The following CARMIL1 variants were observed in gnomAD, a reference collection of about 807,000 sequenced individuals.
CARMIL1 encodes the protein F-actin-uncapping protein LRRC16A.
In CARMIL1, 90 loss-of-function variants were observed where a neutral mutation model predicts 177.1. The ratio of observed to expected loss-of-function variants is 0.51; its 90% CI spans 0.43 to 0.61. CARMIL1 has a LOEUF of 0.61. Among genes scored for constraint, CARMIL1 ranks in the 20% least tolerant of loss-of-function variants. The pLI, the probability that CARMIL1 is intolerant of heterozygous loss-of-function variation, is 0.00. For missense variants in CARMIL1, 1,380 were observed against 1,667.0 expected, an observed-to-expected ratio of 0.83 and a Z score of 3.00; for synonymous variants, 577 against 606.2, an observed-to-expected ratio of 0.95 and a Z score of 0.71.
rs990398287 is a variant in CARMIL1 at position 25,348,412 on chromosome 6, G to A, written c.138+63503G>A. Among the ~76,000 whole-genome samples, 11 of 152,048 alleles carry A rather than the reference G, an allele frequency of 7.2e-5. No individual in the cohort carries two copies. In the East Asian group the frequency reaches 1.7e-3, roughly 24 times the overall value. On this transcript the variant is annotated intron_variant, in intron 2 of 36. Transcript: ENST00000329474. The stretch of plus-strand genomic sequence containing the variant: ...CTCCCAAAGTGTTGGGATTACAGGC[G>A]TGAGCCACTGTGCCTTGCTGTTAAA...
At chr6:25,572,545 A>G (rs1427747707) in intron 29 of CARMIL1, among the ~76,000 whole-genome samples, 2 of 152,010 alleles carry the variant, frequency 1.3e-5, no homozygotes, top group Non-Finnish European at 2.9e-5. Context: ...TACAAAAAAT[A>G]CAAAGGTTAA....
chr6:25,301,473 T>C (rs1445933143), intron 2 of CARMIL1, among the ~76,000 whole-genome samples: 1 of 152,202 alleles, frequency 6.6e-6, no homozygotes, highest in Non-Finnish European at 1.5e-5. Flanking sequence ...GGTTCCTGTT[T>C]TGTACTTCCC....
chr6:25,351,723 A>G (rs1562022354), intron 2 of CARMIL1, among the ~76,000 whole-genome samples: 1 of 152,196 alleles, frequency 6.6e-6, no homozygotes, highest in Non-Finnish European at 1.5e-5. Flanking sequence ...ACCTTGGGTC[A>G]ATTATTTTAA....
rs192615149 is a variant in CARMIL1, at chr6:25,573,978, A to T, written c.2743-6946A>T. Among the ~76,000 whole-genome samples the T allele has an allele frequency of 2.0e-5, 3 of 152,342 alleles. No individual in the cohort carries two copies. The East Asian group carries it at 5.8e-4, about 29-fold the overall frequency. On this transcript the variant is annotated intron_variant, in intron 29 of 36. Coordinates refer to ENST00000329474, the MANE Select transcript of CARMIL1 (RefSeq NM_017640.6). ...CTTTTTAACACTTCCACAGAGCAGC[A>T]CTAACACTTATCAAACACTTACACA...
intron 11 of CARMIL1, 45 bp from the exon 12 acceptor site, chr6:25,482,212 T>C (rs1802181896): frequency 5.2e-6 from 5 of 958,320 alleles, no homozygotes; most frequent in Non-Finnish European, 8.2e-6. Context: ...AAAAATGCAA[T>C]TCTGAGAACT....
intron 8 of CARMIL1, among the ~76,000 whole-genome samples, chr6:25,456,329 T>G (rs1799527574): frequency 6.6e-6 from 1 of 152,248 alleles, no homozygotes; most frequent in African/African-American, 2.4e-5. Context: ...CTATCAGAAC[T>G]GAATCTAGGA....
intron 2 of CARMIL1, among the ~76,000 whole-genome samples, chr6:25,368,918 T>C (rs1400559110): frequency 2.0e-5 from 3 of 152,246 alleles, no homozygotes; most frequent in Non-Finnish European, 4.4e-5. Context: ...TACTTATTGA[T>C]TTACTGTAAA....
intron 5 of CARMIL1, among the ~76,000 whole-genome samples, chr6:25,440,465 C>G (rs1797642002): frequency 1.3e-5 from 2 of 152,232 alleles, no homozygotes; most frequent in South Asian, 2.1e-4. Context: ...CCAACACACA[C>G]AGTTAGCTTG....
chr6:25,441,329 A>ATGTGTG (rs1183352138), intron 5 of CARMIL1, among the ~76,000 whole-genome samples: 27 of 49,590 alleles, frequency 5.4e-4, no homozygotes, highest in African/African-American at 2.2e-3. Context: ...ACATATATAT[A>ATGTGTG]TATATATATG....
intron 2 of CARMIL1, among the ~76,000 whole-genome samples, chr6:25,419,167 A>G (rs1231566480): frequency 6.6e-6 from 1 of 152,172 alleles, no homozygotes; most frequent in Admixed American, 6.5e-5. Flanking sequence ...AGTGTTCTTA[A>G]CTTTCTACAG....
chr6:25,345,383 A>T (rs1019437186), intron 2 of CARMIL1, among the ~76,000 whole-genome samples: 1 of 152,088 alleles, frequency 6.6e-6, no homozygotes, highest in South Asian at 2.1e-4. Context: ...AGTGCTTTAA[A>T]TATCACCTGT....
At chr6:25,400,358 A>G (rs1443695523) in intron 2 of CARMIL1, among the ~76,000 whole-genome samples, 1 of 152,188 alleles carries the variant, frequency 6.6e-6, no homozygotes, top group Non-Finnish European at 1.5e-5. Context: ...CTTTAGATGA[A>G]TGTGCATCTT....
At chr6:25,537,650 A>G (rs1808433878) in intron 24 of CARMIL1, among the ~76,000 whole-genome samples, 1 of 152,218 alleles carries the variant, frequency 6.6e-6, no homozygotes, top group Non-Finnish European at 1.5e-5. Context: ...AAAGTTGCCA[A>G]AGGTTACTTG....
At position 25,509,029 on chromosome 6, in the gene CARMIL1, T is replaced by C. The variant is rs958632876; in HGVS notation, c.1396-627T>C. On this transcript the variant is annotated intron_variant, in intron 17 of 36. Coordinates refer to ENST00000329474, the MANE Select transcript of CARMIL1 (RefSeq NM_017640.6). The surrounding 1 kb of genome is among the most constrained non-coding windows in gnomAD (Gnocchi z 4.1). ...AATAATCATTTGCACTTAGTTTTGCTCTAAAACAATCATGATAATAATATT... is the reference window on the plus strand; with the variant it reads ...AATAATCATTTGCACTTAGTTTTGCCCTAAAACAATCATGATAATAATATT... 6.6e-6 allele frequency among the ~76,000 whole-genome samples: 1 copy of C among 152,214 alleles called. No individual in the cohort carries two copies. The highest frequency in any genetic ancestry group is 2.4e-5 in the African/African-American group (1 of 41,464).
rs1212930404 is a variant in CARMIL1, at chr6:25,550,955, A to G, written c.2374A>G (p.Asn792Asp). The change falls in exon 27 of 37, where the codon AAT becomes GAT. Residue 792 changes from asparagine (N) to aspartate (D), a missense_variant. Coordinates refer to ENST00000329474, the MANE Select transcript of CARMIL1 (RefSeq NM_017640.6). Reference protein sequence around the residue: ...MVDAAENLCPNVMKKAHIRQD... With the variant: ...MVDAAENLCPDVMKKAHIRQD... ...TGATGCTGCTGAGAATCTTTGTCCC[A>G]ATGTGATGAAAAAAGCCCACATTCG... is the stretch of plus-strand genomic sequence containing the variant. 9 of 1,613,390 alleles carry G rather than the reference A, an allele frequency of 5.6e-6. No individual in the cohort carries two copies. Among genetic ancestry groups the G allele is most frequent in the Middle Eastern group, 1.6e-4 (1 of 6,074 alleles).
At chr6:25,571,893 G>A (rs1002578658) in intron 29 of CARMIL1, among the ~76,000 whole-genome samples, 1 of 152,188 alleles carries the variant, frequency 6.6e-6, no homozygotes, top group Non-Finnish European at 1.5e-5. Flanking sequence ...AGTGGGGAGG[G>A]AGGATGTGCT....
At chr6:25,347,988 C>G (rs367787690) in intron 2 of CARMIL1, among the ~76,000 whole-genome samples, 1 of 152,108 alleles carries the variant, frequency 6.6e-6, no homozygotes, top group Non-Finnish European at 1.5e-5. Context: ...TTAATGTCAT[C>G]GATAGGGTCT....
At chr6:25,280,668 C>T (rs1242836414) in intron 1 of CARMIL1, among the ~76,000 whole-genome samples, 1 of 151,238 alleles carries the variant, frequency 6.6e-6, no homozygotes, top group Non-Finnish European at 1.5e-5. Flanking sequence ...GTTAAAATGG[C>T]AGAGCTGAAA....
At chr6:25,440,006 G>C (rs970170472) in intron 5 of CARMIL1, among the ~76,000 whole-genome samples, 1 of 152,148 alleles carries the variant, frequency 6.6e-6, no homozygotes, top group Non-Finnish European at 1.5e-5. Context: ...TTCTAGGCTG[G>C]GAGCTGCTTA....
Sources: allele counts gnomAD v4.1 joint callset (sites outside exome capture counted in the v4.1 genomes callset), GRCh38; gene constraint gnomAD v4.1.1; non-coding constraint Gnocchi (gnomAD v3.1); transcripts MANE v1.5; gene names NCBI Gene and HGNC (gene_info 2026-07-23, HGNC 2026-07-21).